The following PIGA variants were observed in gnomAD, a reference collection of about 807,000 sequenced individuals.
PIGA encodes phosphatidylinositol N-acetylglucosaminyltransferase subunit A.
Under a neutral mutation model 17.1 loss-of-function variants are expected in PIGA, and 3 were observed. The ratio of observed to expected loss-of-function variants is 0.18; its 90% CI spans 0.08 to 0.45. PIGA has a LOEUF of 0.45. Among genes scored for constraint, PIGA ranks in the 20% least tolerant of loss-of-function variants. The pLI, the probability that PIGA is intolerant of heterozygous loss-of-function variation, is 0.99. For missense variants in PIGA, 231 were observed against 374.1 expected (o/e 0.62, Z 3.16); for synonymous variants, 126 against 135.1 (o/e 0.93, Z 0.47).
intron 5 of PIGA, among the ~76,000 whole-genome samples, chrX:15,322,837 A>G (rs1215695789): frequency 8.9e-6 from 1 of 112,229 alleles, no homozygotes; most frequent in Non-Finnish European, 1.9e-5. Context: ...AATTAATTTC[A>G]TGATCGATTT....
intron 1 of PIGA, among the ~76,000 whole-genome samples, chrX:15,335,028 G>A (rs1348796393): frequency 8.9e-6 from 1 of 112,034 alleles, no homozygotes; most frequent in African/African-American, 3.2e-5. Context: ...GGTTCCTGAA[G>A]AACCTTAGGG....
intron 5 of PIGA, among the ~76,000 whole-genome samples, chrX:15,323,432 G>A (rs918940892): frequency 9.0e-6 from 1 of 111,024 alleles, no homozygotes; most frequent in Non-Finnish European, 1.9e-5. Context: ...GGAGGCAGGG[G>A]GACATCAAGA....
At chrX:15,329,423 T>C (rs1452545844) in intron 2 of PIGA, among the ~76,000 whole-genome samples, 1 of 111,253 alleles carries the variant, frequency 9.0e-6, no homozygotes, top group Non-Finnish European at 1.9e-5. Flanking sequence ...CGCCTTTAAG[T>C]TCTGACCCCA....
chrX:15,331,948 A>G lies in PIGA; in HGVS notation c.-18T>C, dbSNP rs761968382. ...CAGGCCATGCTGAGACGGTTTAGAC[A>G]TCAGTTCTTAGAGCAACCCAGTTAA... On this transcript the variant is annotated 5_prime_UTR_variant, in exon 2 of 6. The change abolishes an upstream ATG in the 5' untranslated region. Transcript: ENST00000333590. 28 of 1,180,538 alleles carry G rather than the reference A, an allele frequency of 2.4e-5. No homozygotes were observed. Among genetic ancestry groups the G allele is most frequent in the Non-Finnish European group, 3.2e-5 (28 of 878,882 alleles).
In PIGA at chrX:15,321,723, A is replaced by T; in HGVS notation, c.1238T>A (p.Leu413Gln). ...GCCGCAGTGAGAAATAAGTCTGTCC[A>T]GTCGTTTGTCCATTGGCAACACAGC... ...VEAVLPMDKRLDRLISHCGPV... is the reference protein window; with the variant it reads ...VEAVLPMDKRQDRLISHCGPV... The change falls in exon 6 of 6, where the codon CTG (leucine) becomes CAG (glutamine). Residue 413 changes from leucine (L) to glutamine (Q), a missense_variant. Transcript: ENST00000333590. 8.3e-7 allele frequency: 1 copy of T among 1,210,355 alleles called. No homozygotes were observed. Among genetic ancestry groups the T allele is most frequent in the Non-Finnish European group, 1.1e-6 (1 of 894,092 alleles).
chrX:15,324,988 T>C, intron 4 of PIGA, 32 bp downstream of exon 4: 1 of 1,182,631 alleles, frequency 8.5e-7, no homozygotes, highest in Non-Finnish European at 1.1e-6. Flanking sequence ...TACACAGAAA[T>C]CCCAACCATG....
chrX:15,324,671 A>G lies in PIGA; in HGVS notation c.1182T>C (p.Thr394=). ...TTCTCAGCATGTGACATACCTTTTC[A>G]GTTCTTTCTGCAACATTCCTCCAGG... ...FYTWRNVAER[T]EKVYDRVSVE... Residue 394 remains threonine (T), a synonymous_variant, in exon 5 of 6, where the codon ACT becomes ACC. Transcript: ENST00000333590. 3.4e-6 allele frequency: 4 copies of G among 1,188,851 alleles called. No homozygotes were observed. Among genetic ancestry groups the G allele is most frequent in the Non-Finnish European group, 4.6e-6 (4 of 874,809 alleles).
At position 15,324,890 on chromosome X, in the gene PIGA, A is replaced by G; in HGVS notation, c.982-19T>C. The G allele has an allele frequency of 4.3e-6, 5 of 1,170,205 alleles. No homozygotes were observed. The highest frequency in any genetic ancestry group is 5.8e-6 in the Non-Finnish European group (5 of 862,025). Reference sequence around the variant, plus strand: ...TTACAACCTTAAAAAGAAAGAAAGAACACATACTCCACCATAATCATACCT... The same window carrying G: ...TTACAACCTTAAAAAGAAAGAAAGAGCACATACTCCACCATAATCATACCT... On this transcript the variant is annotated intron_variant, in intron 4 of 5. Transcript: ENST00000333590.
chrX:15,334,280 T>C (rs1922263301), intron 1 of PIGA, among the ~76,000 whole-genome samples: 1 of 100,492 alleles, frequency 1.0e-5, no homozygotes, highest in Non-Finnish European at 2.0e-5. Context: ...AGCCTCTGCC[T>C]CCCGAGTTCA....
At chrX:15,330,607 T>C (rs1644191950) in intron 2 of PIGA, among the ~76,000 whole-genome samples, 1 of 110,507 alleles carries the variant, frequency 9.0e-6, no homozygotes, top group African/African-American at 3.3e-5. Flanking sequence ...CTTTACTTCT[T>C]TTTTTTTTCT....
intron 4 of PIGA, 63 bp downstream of exon 4, chrX:15,324,957 G>T: frequency 8.7e-7 from 1 of 1,155,462 alleles, no homozygotes; most frequent in South Asian, 1.9e-5. Context: ...ATTATGGAAT[G>T]TGTCTCATTA....
rs1376812088 is a variant in PIGA at position 15,326,051 on chromosome X, A to G, written c.716-5T>C. ...TACCACTAAGCAAATCGATCCCTGAAAATATAAAGTTGAATGTTGGAGATA... is the reference window on the plus strand; with the variant it reads ...TACCACTAAGCAAATCGATCCCTGAGAATATAAAGTTGAATGTTGGAGATA... On this transcript the variant is annotated splice_region_variant and splice_polypyrimidine_tract_variant and intron_variant, in intron 2 of 5. Coordinates refer to ENST00000333590, the MANE Select transcript of PIGA (RefSeq NM_002641.4). 9.0e-7 allele frequency: 1 copy of G among 1,110,724 alleles called. No homozygotes were observed. The highest frequency in any genetic ancestry group is 1.2e-6 in the Non-Finnish European group (1 of 818,927). The allele number at this position is 1,110,724 out of a possible 1,213,427, so 91.5% of individuals were successfully genotyped here.
chrX:15,324,507 G>C (rs1369734243), intron 5 of PIGA, among the ~76,000 whole-genome samples, 158 bp downstream of exon 5: 1 of 112,257 alleles, frequency 8.9e-6, no homozygotes, highest in East Asian at 2.8e-4. Context: ...ACTTAGCCCG[G>C]TGTGTGTACC....
At chrX:15,323,441 G>A (rs1385894300) in intron 5 of PIGA, among the ~76,000 whole-genome samples, 2 of 111,176 alleles carry the variant, frequency 1.8e-5, no homozygotes, top group African/African-American at 6.6e-5. Context: ...GGGACATCAA[G>A]ATGGAGTAGA....
intron 2 of PIGA, chrX:15,330,891 C>T (rs773441211): frequency 4.5e-4 from 68 of 152,605 alleles, no homozygotes; most frequent in Non-Finnish European, 7.4e-4. Context: ...TGTGAGCCAC[C>T]GTACACGGCC....
At position 15,320,518 on chromosome X, in the gene PIGA, A is replaced by T. The variant is rs772745563; in HGVS notation, c.*988T>A. On this transcript the variant is annotated 3_prime_UTR_variant, in exon 6 of 6. Coordinates refer to ENST00000333590, the MANE Select transcript of PIGA (RefSeq NM_002641.4). ...AGGCCACAGTGAAGGGGAGTGACTT[A>T]CATTAAAAGGACAGGGTAGCAGCTG... 1 of 112,441 alleles carries T rather than the reference A, an allele frequency of 8.9e-6. No individual in the cohort carries two copies. Among genetic ancestry groups the T allele is most frequent in the South Asian group, 3.7e-4 (1 of 2,734 alleles). 9.3% of individuals were successfully genotyped at this position (112,441 alleles called of 1,213,427 possible). A position where few individuals can be genotyped will look rare whatever the true frequency, so the allele number is the denominator to read the frequency against.
Position 15,325,933 on chromosome X carries a change from T to G in PIGA, c.829A>C (p.Arg277=). 1.7e-6 allele frequency: 2 copies of G among 1,200,845 alleles called. No homozygotes were observed. The highest frequency in any genetic ancestry group is 5.9e-5 in the East Asian group (2 of 33,689). Residue 277 remains arginine, a synonymous_variant, in exon 3 of 6, where the codon AGA becomes CGA. Transcript: ENST00000333590. The part of the protein sequence containing the change: ...KRIILEEVRE[R]YQLHDRVRLL... ...CAATACCTGTCATGCAGCTGGTATC[T>G]TTCCCGAACTTCTTCCAAAATGATT...
At chrX:15,335,445 G>A in intron 1 of PIGA, 56 bp downstream of exon 1, 1 of 977,267 alleles carries the variant, frequency 1.0e-6, no homozygotes, top group Non-Finnish European at 1.3e-6. Flanking sequence ...GCGCAGAACA[G>A]CCCCATCCGA....
Position 15,335,485 on chromosome X carries a change from C to T in PIGA, c.-63+16G>A. The T allele has an allele frequency of 4.1e-6, 4 of 985,743 alleles. No homozygotes were observed. The highest frequency in any genetic ancestry group is 5.1e-6 in the Non-Finnish European group (4 of 781,359). The allele number at this position is 985,743 out of a possible 1,213,427, so 81.2% of individuals were successfully genotyped here. A position where few individuals can be genotyped will look rare whatever the true frequency, so the allele number is the denominator to read the frequency against. On this transcript the variant is annotated intron_variant, in intron 1 of 5. Coordinates refer to ENST00000333590, the MANE Select transcript of PIGA (RefSeq NM_002641.4). ...GGCCCAGAGCGCTGGAGAGGGGCGGCGCGACGCGCACTCACCGGTGAGTTC... is the reference window on the plus strand; with the variant it reads ...GGCCCAGAGCGCTGGAGAGGGGCGGTGCGACGCGCACTCACCGGTGAGTTC...
Sources: gnomAD v4.1 joint callset for allele counts (sites outside exome capture counted in the v4.1 genomes callset) on GRCh38, gnomAD v4.1.1 for gene constraint, MANE v1.5 for transcripts, NCBI Gene and HGNC (gene_info 2026-07-23, HGNC 2026-07-21) for gene names.